The following CLTC variants were observed in gnomAD, a reference collection of about 807,000 sequenced individuals.
The protein encoded by CLTC is clathrin heavy chain.
Under a neutral mutation model 195.8 loss-of-function variants are expected in CLTC, and 16 were observed. The ratio of observed to expected loss-of-function variants is 0.08; its 90% CI spans 0.06 to 0.12. The LOEUF (loss-of-function observed/expected upper bound fraction) is 0.12. Ranked by LOEUF, CLTC falls within the 10% of genes least tolerant of loss-of-function variation. CLTC has a pLI of 1.00. For missense variants in CLTC, 796 were observed against 2,027.0 expected (o/e 0.39, Z 11.66); for synonymous variants, 667 against 689.4 (o/e 0.97, Z 0.51).
Position 59,682,780 on chromosome 17 carries a change from G to A in CLTC, c.3752G>A (p.Arg1251Gln). ...GGGGCTAGGAAAGCTAACAGTACTC[G>A]AACATGGAAAGAGGTAATCTAAACC... ...VDGARKANST[R>Q]TWKEVCFACV... The change falls in exon 23 of 32, where the codon CGA becomes CAA. Residue 1251 changes from arginine to glutamine, a missense_variant. Physicochemically the swap from Arg to Gln is conservative, Grantham distance 43. Coordinates refer to ENST00000269122, the MANE Select transcript of CLTC (RefSeq NM_004859.4). The surrounding 1 kb of genome is among the most constrained non-coding windows in gnomAD (Gnocchi z 6.8). 2 of 1,613,910 alleles carry A rather than the reference G, an allele frequency of 1.2e-6. No individual in the cohort carries two copies. The highest frequency in any genetic ancestry group is 2.2e-5 in the South Asian group (2 of 91,054).
chr17:59,638,559 G>T (rs1220402342), intron 1 of CLTC, among the ~76,000 whole-genome samples: 2 of 151,538 alleles, frequency 1.3e-5, no homozygotes, highest in African/African-American at 4.8e-5. Context: ...CCGGTTGGGG[G>T]TGGGAGTGGG....
intron 1 of CLTC, among the ~76,000 whole-genome samples, chr17:59,622,292 A>G (rs1341669997): frequency 1.2e-4 from 18 of 152,256 alleles, no homozygotes; most frequent in Admixed American, 1.1e-3. Context: ...ACTGTGCTCC[A>G]GTTGATTAAT....
chr17:59,639,249 C>T (rs1419096003), intron 1 of CLTC, among the ~76,000 whole-genome samples: 5 of 152,152 alleles, frequency 3.3e-5, no homozygotes, highest in Non-Finnish European at 7.3e-5. Context: ...GCAAAAGTAT[C>T]TCTAATTGCT....
At chr17:59,684,017 A>C in intron 28 of CLTC, 32 bp downstream of exon 28, 108 of 1,308,718 alleles carry the variant, frequency 8.3e-5, no homozygotes, top group Non-Finnish European at 1.1e-4. Flanking sequence ...ACATAATCTC[A>C]AGACTCATAA....
chr17:59,681,562 G>A lies in CLTC; in HGVS notation c.3249+84G>A. ...AATTGGTTGCTACGGCAATAGAGCA[G>A]CAATAAAATACTAACAGCTTAAATG... On this transcript the variant is annotated intron_variant, in intron 20 of 31. Transcript: ENST00000269122. This position sits in a 1 kb window ranked among gnomAD's most constrained non-coding sequence, Gnocchi z 5.0. The A allele has an allele frequency of 6.4e-7, 1 of 1,568,060 alleles. No individual in the cohort carries two copies. Among genetic ancestry groups the A allele is most frequent in the Non-Finnish European group, 8.7e-7 (1 of 1,146,992 alleles).
chr17:59,626,922 G>T (rs1213289460), intron 1 of CLTC, among the ~76,000 whole-genome samples: 1 of 152,080 alleles, frequency 6.6e-6, no homozygotes, highest in Non-Finnish European at 1.5e-5. Flanking sequence ...GGTGGGGACA[G>T]GGTCTCACTC....
chr17:59,636,149 C>T (rs1598205771), intron 1 of CLTC, among the ~76,000 whole-genome samples: 1 of 149,576 alleles, frequency 6.7e-6, no homozygotes, highest in Admixed American at 6.7e-5. Context: ...AAAAAAAAAA[C>T]AGTCTATATC....
Position 59,666,640 on chromosome 17 carries a change from C to A in CLTC, c.1943C>A (p.Pro648His), listed in dbSNP as rs543815524. The change falls in exon 12 of 32, where the codon CCT becomes CAT. Residue 648 changes from proline (P) to histidine (H), a missense_variant. Coordinates refer to ENST00000269122, the MANE Select transcript of CLTC (RefSeq NM_004859.4). This position sits in a 1 kb window ranked among gnomAD's most constrained non-coding sequence, Gnocchi z 4.9. ...RAVVHTHLLN[P>H]EWLVNYFGSL... Reference sequence around the variant, plus strand: ...GTGGTTCACACCCATCTTCTTAACCCTGAGGTATTTCAGTTTCTTACCTAA... The same window carrying A: ...GTGGTTCACACCCATCTTCTTAACCATGAGGTATTTCAGTTTCTTACCTAA... The A allele has an allele frequency of 1.9e-6, 3 of 1,609,260 alleles. No homozygotes were observed. The South Asian group carries it at 3.3e-5, about 18-fold the overall frequency.
chr17:59,682,737 T>C lies in CLTC; in HGVS notation c.3709T>C (p.Tyr1237His), dbSNP rs1381380592. 1 of 1,614,024 alleles carries C rather than the reference T, an allele frequency of 6.2e-7. No homozygotes were observed. Among genetic ancestry groups the C allele is most frequent in the African/African-American group, 1.3e-5 (1 of 74,926 alleles). ...ATCTACCCTGGTTCACCTGGGTGAA[T>C]ATCAGGCAGCTGTTGATGGGGCTAG... Reference protein sequence around the residue: ...LASTLVHLGEYQAAVDGARKA... With the variant: ...LASTLVHLGEHQAAVDGARKA... The change falls in exon 23 of 32, where the codon TAT (tyrosine) becomes CAT (histidine). Residue 1237 changes from tyrosine to histidine, a missense_variant. Transcript: ENST00000269122. The surrounding 1 kb of genome is among the most constrained non-coding windows in gnomAD (Gnocchi z 6.8).
chr17:59,647,967 A>G (rs560797644), intron 3 of CLTC, among the ~76,000 whole-genome samples: 2 of 152,248 alleles, frequency 1.3e-5, no homozygotes, highest in African/African-American at 2.4e-5. Flanking sequence ...GGGATTTATT[A>G]TGGAGTATTT....
chr17:59,646,918 T>C (rs2032210794), intron 2 of CLTC, among the ~76,000 whole-genome samples: 1 of 152,230 alleles, frequency 6.6e-6, no homozygotes, highest in South Asian at 2.1e-4. Flanking sequence ...GCAGATCCTC[T>C]TTTTAAAAAG....
intron 1 of CLTC, among the ~76,000 whole-genome samples, chr17:59,640,877 T>G (rs1226984638): frequency 1.3e-5 from 2 of 151,774 alleles, no homozygotes; most frequent in Admixed American, 6.6e-5. Context: ...TCCCAGCACT[T>G]TGGGAGGCCA....
rs2033386520 is a variant in CLTC, at chr17:59,694,896, A to C, written c.*1044A>C. 1 of 224,980 alleles carries C rather than the reference A, an allele frequency of 4.4e-6. No individual in the cohort carries two copies. Among genetic ancestry groups the C allele is most frequent in the African/African-American group, 2.2e-5 (1 of 45,030 alleles). 13.9% of individuals were successfully genotyped at this position (224,980 alleles called of 1,614,324 possible). ...GAGGAATGAGGATTGAGACATGTGA[A>C]GACATTGTGCATTATATCAATGTGC... On this transcript the variant is annotated 3_prime_UTR_variant, in exon 32 of 32. Transcript: ENST00000269122.
chr17:59,683,282 C>T lies in CLTC; in HGVS notation c.4041+20C>T. On this transcript the variant is annotated intron_variant, in intron 25 of 31. Transcript: ENST00000269122. The surrounding 1 kb of genome is among the most constrained non-coding windows in gnomAD (Gnocchi z 6.1). The stretch of plus-strand genomic sequence containing the variant: ...CCCAAGGTAACCAGTCATTGTAACA[C>T]AGTGAAGCAACTGTGTAGTTAAAAC... The T allele has an allele frequency of 6.2e-7, 1 of 1,611,724 alleles. No individual in the cohort carries two copies. Among genetic ancestry groups the T allele is most frequent in the Non-Finnish European group, 8.5e-7 (1 of 1,178,486 alleles).
chr17:59,651,231 C>G lies in CLTC; in HGVS notation c.710C>G (p.Pro237Arg). 1.2e-6 allele frequency: 2 copies of G among 1,613,356 alleles called. No homozygotes were observed. The highest frequency in any genetic ancestry group is 1.7e-6 in the Non-Finnish European group (2 of 1,179,428). The change falls in exon 5 of 32, where the codon CCT becomes CGT. Residue 237 changes from proline (P) to arginine (R), a missense_variant. Around this residue, in one of 9 missense-constraint regions of CLTC, gnomAD observed 293 missense variants for 795.6 expected, o/e 0.37. Coordinates refer to ENST00000269122, the MANE Select transcript of CLTC (RefSeq NM_004859.4). ...KLHIIEVGTP[P>R]TGNQPFPKKA... ...CATATTATTGAAGTTGGCACACCAC[C>G]TACAGGGAACCAGCCCTTTCCAAAG... is the stretch of plus-strand genomic sequence containing the variant.
chr17:59,671,656 C>A (rs1463573136), intron 14 of CLTC, among the ~76,000 whole-genome samples: 1 of 152,132 alleles, frequency 6.6e-6, no homozygotes, highest in Non-Finnish European at 1.5e-5. Context: ...CTGCTCCTTG[C>A]TACCTTTGAT....
At chr17:59,674,585 A>C in intron 15 of CLTC, 116 bp from the exon 16 acceptor site, 1 of 916,310 alleles carries the variant, frequency 1.1e-6, no homozygotes, top group South Asian at 1.9e-5. Flanking sequence ...GAATTTAAAA[A>C]CTGAACTTAA....
intron 6 of CLTC, among the ~76,000 whole-genome samples, chr17:59,657,305 A>G (rs1310756474): frequency 1.3e-5 from 2 of 152,156 alleles, no homozygotes; most frequent in Non-Finnish European, 2.9e-5. Flanking sequence ...AACATTTACC[A>G]TACTTATTAA....
At chr17:59,622,842 TTTTA>T (rs1373788725) in intron 1 of CLTC, among the ~76,000 whole-genome samples, 6 of 152,204 alleles carry the variant, frequency 3.9e-5, no homozygotes, top group Admixed American at 2.0e-4. Context: ...ATGAACTTAT[TTTTA>T]TACCCTTTAA....
Sources: gnomAD v4.1 joint callset for allele counts (sites outside exome capture counted in the v4.1 genomes callset) on GRCh38, gnomAD v4.1.1 for gene constraint, gnomAD v4.1.1 regional missense constraint, Gnocchi (gnomAD v3.1) non-coding constraint, MANE v1.5 for transcripts, NCBI Gene and HGNC (gene_info 2026-07-23, HGNC 2026-07-21) for gene names.